Variants in GABRA3 observed in about 807,000 individuals in gnomAD.
GABRA3 encodes the protein gamma-aminobutyric acid type A receptor subunit alpha3.
GABRA3 carries 10 observed loss-of-function variants against 30.1 expected under a neutral mutation model. That is an observed-to-expected ratio of 0.33 (90% CI 0.20 to 0.56). GABRA3 has a LOEUF of 0.56. Ranked by LOEUF, GABRA3 falls within the 20% of genes least tolerant of loss-of-function variation. The pLI is 0.89. For synonymous variants in GABRA3, 151 were observed against 146.8 expected, an observed-to-expected ratio of 1.03 and a Z score of -0.21; for missense variants, 233 against 392.0, an observed-to-expected ratio of 0.59 and a Z score of 3.42.
intron 7 of GABRA3, among the ~76,000 whole-genome samples, chrX:152,200,171 C>T (rs1937463331): frequency 9.0e-6 from 1 of 111,712 alleles, no homozygotes; most frequent in Admixed American, 9.5e-5. Context: ...CAAAATAGTC[C>T]CCAAAGACCC....
chrX:152,337,253 T>A (rs1183119763), intron 3 of GABRA3, among the ~76,000 whole-genome samples: 1 of 111,531 alleles, frequency 9.0e-6, no homozygotes, highest in Non-Finnish European at 1.9e-5. Flanking sequence ...GAAATAGAAA[T>A]ACATCATTGT....
intron 1 of GABRA3, 25 bp from the exon 2 acceptor site, chrX:152,364,621 G>A: frequency 9.2e-7 from 1 of 1,082,029 alleles, no homozygotes; most frequent in Non-Finnish European, 1.3e-6. Flanking sequence ...GTTTAGATAA[G>A]GGATAAGAGG....
At chrX:152,361,105 AAAAG>A (rs1556786036) in intron 2 of GABRA3, among the ~76,000 whole-genome samples, 18 of 107,686 alleles carry the variant, frequency 1.7e-4, no homozygotes, top group African/African-American at 3.4e-4. Context: ...AAAAAAAAAA[AAAAG>A]AAAGAAAGAA....
intron 5 of GABRA3, among the ~76,000 whole-genome samples, chrX:152,226,651 T>A (rs181103936): frequency 0.021 from 2,300 of 110,811 alleles, 52 homozygotes; most frequent in African/African-American, 0.071. Flanking sequence ...AAGGCTAATA[T>A]CCAGAATCTA....
intron 4 of GABRA3, among the ~76,000 whole-genome samples, chrX:152,266,104 A>G (rs1221037956): frequency 4.5e-5 from 5 of 111,910 alleles, no homozygotes; most frequent in Non-Finnish European, 9.4e-5. Flanking sequence ...CAAAAAATAG[A>G]GGAGAAGGGA....
At chrX:152,349,634 A>T (rs867141280) in intron 2 of GABRA3, among the ~76,000 whole-genome samples, 5 of 104,071 alleles carry the variant, frequency 4.8e-5, no homozygotes, top group Non-Finnish European at 7.9e-5. Flanking sequence ...ATGGAAAACA[A>T]AAAAAGGCAG....
intron 1 of GABRA3, among the ~76,000 whole-genome samples, chrX:152,406,912 A>T (rs1228864438): frequency 1.8e-5 from 2 of 112,114 alleles, no homozygotes; most frequent in Admixed American, 9.5e-5. Context: ...TCTTCCATTC[A>T]CATGGAATAT....
chrX:152,204,473 C>T (rs1399143691), intron 7 of GABRA3, among the ~76,000 whole-genome samples: 1 of 110,920 alleles, frequency 9.0e-6, no homozygotes, highest in Non-Finnish European at 1.9e-5. Context: ...GCCTTGTTTC[C>T]AAATCTTGCT....
At chrX:152,366,645 G>T (rs1306423093) in intron 1 of GABRA3, among the ~76,000 whole-genome samples, 1 of 112,211 alleles carries the variant, frequency 8.9e-6, no homozygotes, top group Non-Finnish European at 1.9e-5. Flanking sequence ...TAAATAAAAT[G>T]TCTGTGACAG....
intron 4 of GABRA3, among the ~76,000 whole-genome samples, chrX:152,275,461 T>TGTAAC (rs1939062838): frequency 9.5e-6 from 1 of 105,768 alleles, no homozygotes; most frequent in African/African-American, 3.4e-5. Flanking sequence ...TTATTTTAAA[T>TGTAAC]ATCAAATAAA....
At chrX:152,440,748 C>G (rs747850088) in intron 1 of GABRA3, among the ~76,000 whole-genome samples, 24 of 111,498 alleles carry the variant, frequency 2.2e-4, no homozygotes, top group African/African-American at 7.8e-4. Context: ...TCATTCTCAG[C>G]AAACTAACAC....
intron 5 of GABRA3, among the ~76,000 whole-genome samples, chrX:152,237,559 G>T (rs1430259614): frequency 9.6e-6 from 1 of 104,024 alleles, no homozygotes; most frequent in Non-Finnish European, 2.0e-5. Context: ...TGATGGGGAT[G>T]GCATTGAATC....
At chrX:152,243,754 C>T (rs1938419853) in intron 5 of GABRA3, among the ~76,000 whole-genome samples, 1 of 111,887 alleles carries the variant, frequency 8.9e-6, no homozygotes, top group Admixed American at 9.6e-5. Flanking sequence ...GTATATGTAT[C>T]AGAATCTTGA....
intron 4 of GABRA3, among the ~76,000 whole-genome samples, chrX:152,270,619 C>T (rs1197962934): frequency 9.0e-6 from 1 of 111,020 alleles, no homozygotes; most frequent in African/African-American, 3.3e-5. Context: ...CTTTGGGAGG[C>T]CAAGGCCAGT....
At chrX:152,357,305 TA>T (rs758874291) in intron 2 of GABRA3, among the ~76,000 whole-genome samples, 1 of 112,055 alleles carries the variant, frequency 8.9e-6, no homozygotes, top group East Asian at 2.8e-4. Flanking sequence ...TTTGACTTTT[TA>T]ATAATAGCCA....
At chrX:152,179,446 C>T (rs909663981) in intron 9 of GABRA3, among the ~76,000 whole-genome samples, 1 of 110,263 alleles carries the variant, frequency 9.1e-6, no homozygotes, top group Non-Finnish European at 1.9e-5. Context: ...CTACCCCCAA[C>T]TCCCAGTCCC....
At chrX:152,328,718 T>C (rs990001696) in intron 3 of GABRA3, among the ~76,000 whole-genome samples, 1 of 111,312 alleles carries the variant, frequency 9.0e-6, no homozygotes, top group South Asian at 3.8e-4. Flanking sequence ...TAAGAGCTAT[T>C]TATGACAAAC....
chrX:152,309,212 T>C (rs931431690), intron 3 of GABRA3, among the ~76,000 whole-genome samples: 4 of 111,872 alleles, frequency 3.6e-5, no homozygotes, highest in Non-Finnish European at 7.5e-5. Flanking sequence ...TTGGAAAATA[T>C]ATTTCAGCAT....
At chrX:152,233,290 T>C (rs1019129420) in intron 5 of GABRA3, among the ~76,000 whole-genome samples, 7 of 111,316 alleles carry the variant, frequency 6.3e-5, no homozygotes, top group African/African-American at 2.3e-4. Context: ...TTTCTTTTGC[T>C]GTGCAGAAGC....
Sources: gnomAD v4.1 joint callset for allele counts (sites outside exome capture counted in the v4.1 genomes callset) on GRCh38, gnomAD v4.1.1 for gene constraint, MANE v1.5 for transcripts, NCBI Gene and HGNC (gene_info 2026-07-23, HGNC 2026-07-21) for gene names.